Variants in DNAH6 observed in about 807,000 individuals in gnomAD.
The protein encoded by DNAH6 is axonemal beta dynein heavy chain 6.
A neutral mutation model predicts 491.4 loss-of-function variants in DNAH6; 340 were observed. That is an observed-to-expected ratio of 0.69 (90% CI 0.63 to 0.76). The LOEUF (loss-of-function observed/expected upper bound fraction) is 0.76, where lower values mean the gene tolerates loss of function less well. Ranked by LOEUF, DNAH6 falls within the 30% of genes least tolerant of loss-of-function variation. The probability of loss-of-function intolerance (pLI) is 0.00; values close to 1 mark genes in which losing one functional copy is unlikely to be tolerated. For synonymous variants in DNAH6, 1,603 were observed against 1,686.1 expected (o/e 0.95, Z 1.21); for missense variants, 4,443 against 4,972.2 (o/e 0.89, Z 3.20).
intron 37 of DNAH6, among the ~76,000 whole-genome samples, chr2:84,660,115 T>A (rs1691360866): frequency 6.6e-6 from 1 of 152,222 alleles, no homozygotes; most frequent in Non-Finnish European, 1.5e-5. Flanking sequence ...TACTTATTTT[T>A]AAATACTATT....
intron 37 of DNAH6, among the ~76,000 whole-genome samples, chr2:84,664,981 C>T (rs1478726417): frequency 6.9e-6 from 1 of 145,692 alleles, no homozygotes; most frequent in Non-Finnish European, 1.6e-5. Flanking sequence ...AACTGAACAA[C>T]CTGCTCCTGA....
chr2:84,741,729 C>T (rs2105026932), intron 62 of DNAH6, among the ~76,000 whole-genome samples: 1 of 152,304 alleles, frequency 6.6e-6, no homozygotes, highest in Non-Finnish European at 1.5e-5. Flanking sequence ...CTGTAAATCC[C>T]CAGGATCTGG....
intron 29 of DNAH6, 117 bp from the exon 30 acceptor site, chr2:84,634,387 A>T: frequency 9.1e-7 from 1 of 1,097,140 alleles, no homozygotes; most frequent in East Asian, 3.0e-5. Context: ...TTCACATAAA[A>T]CTATTGCTTA....
intron 11 of DNAH6, among the ~76,000 whole-genome samples, chr2:84,572,228 TA>T (rs1681972117): frequency 6.6e-6 from 1 of 152,192 alleles, no homozygotes; most frequent in African/African-American, 2.4e-5. Context: ...GTTCAGAGTA[TA>T]ATAATATGTG....
rs1473253485 is a variant in DNAH6 at position 84,783,793 on chromosome 2, G to A, written c.10865-929G>A. Among the ~76,000 whole-genome samples the A allele has an allele frequency of 6.6e-5, 10 of 152,166 alleles. No individual in the cohort carries two copies. The South Asian group carries it at 8.3e-4, about 13-fold the overall frequency. Reference sequence around the variant, plus strand: ...ATAAACCACATGGTAAATAAGTAACGTATACGTTGTGTTAGAACATGGTTG... The same window carrying A: ...ATAAACCACATGGTAAATAAGTAACATATACGTTGTGTTAGAACATGGTTG... On this transcript the variant is annotated intron_variant, in intron 65 of 76. Transcript: ENST00000389394.
intron 10 of DNAH6, among the ~76,000 whole-genome samples, chr2:84,554,703 A>T (rs1679849061): frequency 6.6e-6 from 1 of 152,258 alleles, no homozygotes; most frequent in Non-Finnish European, 1.5e-5. Flanking sequence ...AATGACAAGC[A>T]GACTACTGAG....
intron 73 of DNAH6, among the ~76,000 whole-genome samples, 184 bp downstream of exon 73, chr2:84,812,710 G>A (rs1680106539): frequency 6.6e-6 from 1 of 152,142 alleles, no homozygotes; most frequent in East Asian, 1.9e-4. Context: ...GTTTGCCCTA[G>A]GCACTCATCC....
At chr2:84,776,863 G>A (rs368338746) in intron 64 of DNAH6, among the ~76,000 whole-genome samples, 4 of 152,224 alleles carry the variant, frequency 2.6e-5, no homozygotes, top group East Asian at 1.9e-4. Context: ...ATCAGTGATA[G>A]ACTGGATTAA....
At chr2:84,785,493 C>G (rs1214297913) in intron 66 of DNAH6, 117 bp from the exon 67 acceptor site, 9 of 1,052,688 alleles carry the variant, frequency 8.5e-6, no homozygotes, top group Non-Finnish European at 1.2e-5. Flanking sequence ...TCCCCACCTC[C>G]CCATGAACAT....
chr2:84,699,568 TG>T, intron 47 of DNAH6, 25 bp from the exon 48 acceptor site: 1 of 1,539,880 alleles, frequency 6.5e-7, no homozygotes, highest in Non-Finnish European at 8.8e-7. Flanking sequence ...TATTTTAAAC[TG>T]AAAAAATAAC....
At chr2:84,491,980 GAGA>G in the DNAH6 span, among the ~76,000 whole-genome samples, 2 of 152,122 alleles carry the variant, frequency 1.3e-5, no homozygotes, top group Non-Finnish European at 2.9e-5. Context: ...AGATTCCGCC[GAGA>G]AGATTCTCCC....
At chr2:84,606,890 G>A (rs1039326154) in intron 20 of DNAH6, 86 bp from the exon 21 acceptor site, 11 of 1,390,584 alleles carry the variant, frequency 7.9e-6, no homozygotes, top group African/African-American at 1.4e-5. Flanking sequence ...TGACTTTTAA[G>A]TAGACACTTG....
At chr2:84,759,735 C>T (rs1162818163) in intron 63 of DNAH6, among the ~76,000 whole-genome samples, 1 of 152,050 alleles carries the variant, frequency 6.6e-6, no homozygotes, top group Non-Finnish European at 1.5e-5. Flanking sequence ...AAAATACCAA[C>T]ATCACTTTTC....
At chr2:84,513,171 A>G (rs1050776200), upstream of DNAH6, among the ~76,000 whole-genome samples, 27 of 151,684 alleles carry the variant, frequency 1.8e-4, no homozygotes, top group Admixed American at 2.0e-4. Context: ...CTTAATTTAT[A>G]ATTAATTAAG....
At chr2:84,654,011 A>T (rs1690710343) in intron 34 of DNAH6, 137 bp downstream of exon 34, 2 of 694,058 alleles carry the variant, frequency 2.9e-6, no homozygotes, top group Non-Finnish European at 4.5e-6. Context: ...TTATTAAGTC[A>T]TCCTTTTGTA....
chr2:84,761,735 T>C (rs1464650993), intron 63 of DNAH6, among the ~76,000 whole-genome samples: 1 of 151,668 alleles, frequency 6.6e-6, no homozygotes, highest in Non-Finnish European at 1.5e-5. Flanking sequence ...GCCATGGCCC[T>C]AGACCAGGTT....
intron 41 of DNAH6, among the ~76,000 whole-genome samples, chr2:84,680,252 T>C (rs962802679): frequency 6.6e-6 from 1 of 152,196 alleles, no homozygotes; most frequent in African/African-American, 2.4e-5. Flanking sequence ...TTAGACTAAC[T>C]TGCAACCATT....
chr2:84,714,804 C>T (rs553430599), intron 57 of DNAH6, among the ~76,000 whole-genome samples: 3 of 151,260 alleles, frequency 2.0e-5, no homozygotes, highest in Non-Finnish European at 2.9e-5. Context: ...AGGAACCTCA[C>T]GTCAATCATC....
At chr2:84,628,686 G>A (rs1304854058) in intron 29 of DNAH6, among the ~76,000 whole-genome samples, 1 of 152,144 alleles carries the variant, frequency 6.6e-6, no homozygotes, top group Non-Finnish European at 1.5e-5. Context: ...GCACAGATGG[G>A]AGTGAGATTT....
Sources: gnomAD v4.1 joint callset for allele counts (sites outside exome capture counted in the v4.1 genomes callset) on GRCh38, gnomAD v4.1.1 for gene constraint, MANE v1.5 for transcripts, NCBI Gene and HGNC (gene_info 2026-07-23, HGNC 2026-07-21) for gene names.